The following TTC28 variants were observed in gnomAD, a reference collection of about 807,000 sequenced individuals.
TTC28 encodes the protein tetratricopeptide repeat protein 28.
TTC28 carries 61 observed loss-of-function variants against 198.0 expected under a neutral mutation model. The ratio of observed to expected loss-of-function variants is 0.31; its 90% CI spans 0.25 to 0.38. The LOEUF (loss-of-function observed/expected upper bound fraction) is 0.38, where lower values mean the gene tolerates loss of function less well. TTC28 is among the 10% of genes least tolerant of loss of function. The pLI, the probability that TTC28 is intolerant of heterozygous loss-of-function variation, is 1.00. For missense variants in TTC28, 2,678 were observed against 3,164.0 expected (o/e 0.85, Z 3.69); for synonymous variants, 1,171 against 1,297.8 (o/e 0.90, Z 2.10).
At chr22:28,510,324 T>G (rs958860068) in intron 2 of TTC28, among the ~76,000 whole-genome samples, 2 of 152,146 alleles carry the variant, frequency 1.3e-5, no homozygotes, top group Non-Finnish European at 2.9e-5. Context: ...TCAACCACAA[T>G]GAAGTTGGCT....
chr22:28,267,624 C>A (rs1931771996), intron 5 of TTC28, among the ~76,000 whole-genome samples: 1 of 152,170 alleles, frequency 6.6e-6, no homozygotes, highest in Non-Finnish European at 1.5e-5. Context: ...AATATGCTAA[C>A]ATGTATAAAA....
chr22:28,469,740 C>A (rs538595600), intron 2 of TTC28, among the ~76,000 whole-genome samples: 2 of 152,326 alleles, frequency 1.3e-5, no homozygotes, highest in African/African-American at 4.8e-5. Flanking sequence ...ACAGCCCTGG[C>A]AAGATACCTT....
At chr22:28,029,169 GGAACTAAGGGT>G in intron 13 of TTC28, 1 of 466,542 alleles carries the variant, frequency 2.1e-6, no homozygotes, top group Non-Finnish European at 4.5e-6. Flanking sequence ...CTGGGAAGAA[GGAACTAAGGGT>G]GAACTAGCTT....
At chr22:28,522,104 T>C (rs1055554729) in intron 2 of TTC28, among the ~76,000 whole-genome samples, 2 of 152,132 alleles carry the variant, frequency 1.3e-5, no homozygotes, top group African/African-American at 4.8e-5. Context: ...CAGACAACTA[T>C]GAGCAAAAAA....
intron 13 of TTC28, among the ~76,000 whole-genome samples, chr22:28,027,073 T>C (rs181016911): frequency 6.6e-6 from 1 of 152,162 alleles, no homozygotes; most frequent in Admixed American, 6.5e-5. Context: ...TCCAGTCACA[T>C]ACACACATAT....
At chr22:27,987,181 G>C (rs1337250436) in intron 21 of TTC28, among the ~76,000 whole-genome samples, 1 of 152,236 alleles carries the variant, frequency 6.6e-6, no homozygotes, top group East Asian at 1.9e-4. Context: ...AATGCATGCA[G>C]ACCGACTCGC....
intron 2 of TTC28, among the ~76,000 whole-genome samples, chr22:28,340,445 T>C (rs1276208982): frequency 6.6e-6 from 1 of 151,584 alleles, no homozygotes; most frequent in African/African-American, 2.4e-5. Flanking sequence ...TTCTTTCCTT[T>C]TCAAACATTT....
chr22:28,163,306 G>A lies in TTC28; in HGVS notation c.1227C>T (p.Asn409=). Reference sequence around the variant, plus strand: ...TATGGTAAGACATGGCCTTGTCAAAGTTCCTCCGGTAGTGATAGGCACTGC... The same window carrying A: ...TATGGTAAGACATGGCCTTGTCAAAATTCCTCCGGTAGTGATAGGCACTGC... ...NLGSAYHYRR[N]FDKAMSYHNY... is the part of the protein sequence containing the mutation. The change falls in exon 6 of 23, where the codon AAC becomes AAT. Residue 409 remains asparagine (N), a synonymous_variant. Coordinates refer to ENST00000397906, the MANE Select transcript of TTC28 (RefSeq NM_001145418.2). 2 of 1,552,052 alleles carry A rather than the reference G, an allele frequency of 1.3e-6. No individual in the cohort carries two copies. Among genetic ancestry groups the A allele is most frequent in the East Asian group, 2.4e-5 (1 of 40,924 alleles).
At position 28,372,531 on chromosome 22, in the gene TTC28, CTTT is replaced by C. The variant is rs11309698; in HGVS notation, c.382-65891_382-65889del. On this transcript the variant is annotated intron_variant, in intron 2 of 22. Transcript: ENST00000397906. The stretch of plus-strand genomic sequence containing the variant: ...ACCTCCCTATTGTTCATAGTTTATC[CTTT>C]TTTTTTTTTTTTTAATTAGAAGGAA... Among the ~76,000 whole-genome samples, 973 of 145,610 alleles carry C rather than the reference CTTT, an allele frequency of 6.7e-3. 2 individuals carry two copies. The highest frequency in any genetic ancestry group is 0.016 in the African/African-American group (617 of 39,572).
rs752359386 is a variant in TTC28, at chr22:28,105,722, T to C, written c.2864A>G (p.Asn955Ser). The C allele has an allele frequency of 1.3e-5, 20 of 1,551,696 alleles. No individual in the cohort carries two copies. The highest frequency in any genetic ancestry group is 2.4e-5 in the East Asian group (1 of 40,932). ...CAGCTCTCCATAGGCCTGGGCTTTA[T>C]TGAAGGCCTCTCCAAGTTCATGAGC... is the stretch of plus-strand genomic sequence containing the variant. ...VVAHELGEAFNKAQAYGELGS... is the reference protein window; with the variant it reads ...VVAHELGEAFSKAQAYGELGS... Residue 955 changes from asparagine (N) to serine (S), a missense_variant, in exon 8 of 23, where the codon AAT becomes AGT. Transcript: ENST00000397906.
At chr22:28,496,713 A>G (rs1353410331) in intron 2 of TTC28, among the ~76,000 whole-genome samples, 2 of 151,828 alleles carry the variant, frequency 1.3e-5, no homozygotes, top group Non-Finnish European at 2.9e-5. Context: ...TCTATTCTCC[A>G]AGCAGAAGCC....
intron 2 of TTC28, among the ~76,000 whole-genome samples, chr22:28,624,091 T>A (rs1241353573): frequency 6.6e-6 from 1 of 152,160 alleles, no homozygotes; most frequent in Non-Finnish European, 1.5e-5. Flanking sequence ...TCAATGAGAC[T>A]AATAACTCAT....
intron 2 of TTC28, among the ~76,000 whole-genome samples, chr22:28,498,493 C>T (rs2048488888): frequency 6.6e-6 from 1 of 152,040 alleles, no homozygotes; most frequent in Non-Finnish European, 1.5e-5. Context: ...AAGGAAAAGC[C>T]CATATGTTAA....
At chr22:28,015,737 C>G (rs12166801) in intron 13 of TTC28, among the ~76,000 whole-genome samples, 1 of 152,004 alleles carries the variant, frequency 6.6e-6, no homozygotes. Context: ...TCAGTGATCT[C>G]TTAACCTCGA....
At chr22:28,216,181 T>C (rs1927386611) in intron 5 of TTC28, among the ~76,000 whole-genome samples, 1 of 152,164 alleles carries the variant, frequency 6.6e-6, no homozygotes, top group Non-Finnish European at 1.5e-5. Flanking sequence ...GAATGAGAAA[T>C]GGTCTCTGTC....
chr22:28,024,849 A>G (rs914722765), intron 13 of TTC28, among the ~76,000 whole-genome samples: 1 of 152,206 alleles, frequency 6.6e-6, no homozygotes, highest in African/African-American at 2.4e-5. Flanking sequence ...AGTCACAGTG[A>G]GGTGAGTATG....
intron 2 of TTC28, among the ~76,000 whole-genome samples, chr22:28,315,273 T>C (rs992357989): frequency 6.6e-6 from 1 of 152,046 alleles, no homozygotes; most frequent in Non-Finnish European, 1.5e-5. Flanking sequence ...TGCTTTCTTC[T>C]GGATTTGGAT....
chr22:28,387,599 G>A lies in TTC28; in HGVS notation c.382-80956C>T, dbSNP rs867863461. Among the ~76,000 whole-genome samples, 1,165 of 152,234 alleles carry A rather than the reference G, an allele frequency of 7.7e-3. 15 individuals carry two copies. The highest frequency in any genetic ancestry group is 8.4e-3 in the Non-Finnish European group (571 of 68,010). Reference sequence around the variant, plus strand: ...TTGCATTTCTCTGATGGCCAGTGATGGTGAGCATTTTCTCATGTGTTTTTT... The same window carrying A: ...TTGCATTTCTCTGATGGCCAGTGATAGTGAGCATTTTCTCATGTGTTTTTT... On this transcript the variant is annotated intron_variant, in intron 2 of 22. Coordinates refer to ENST00000397906, the MANE Select transcript of TTC28 (RefSeq NM_001145418.2).
chr22:28,079,429 T>C (rs892332479), intron 12 of TTC28, among the ~76,000 whole-genome samples: 1 of 152,180 alleles, frequency 6.6e-6, no homozygotes, highest in Non-Finnish European at 1.5e-5. Context: ...GTTAACTATA[T>C]GTATCTTGTG....
Sources: gnomAD v4.1 joint callset for allele counts (sites outside exome capture counted in the v4.1 genomes callset) on GRCh38, gnomAD v4.1.1 for gene constraint, MANE v1.5 for transcripts, NCBI Gene and HGNC (gene_info 2026-07-23, HGNC 2026-07-21) for gene names.